Variants in PTPRM observed in about 807,000 individuals in gnomAD.
PTPRM encodes the protein receptor-type tyrosine-protein phosphatase mu.
Under a neutral mutation model 186.7 loss-of-function variants are expected in PTPRM, and 47 were observed. That is an observed-to-expected ratio of 0.25 (90% CI 0.20 to 0.32). PTPRM has a LOEUF of 0.32. Ranked by LOEUF, PTPRM falls within the 10% of genes least tolerant of loss-of-function variation. PTPRM has a pLI of 1.00. For missense variants in PTPRM, 1,494 were observed against 1,865.0 expected, an observed-to-expected ratio of 0.80 and a Z score of 3.66; for synonymous variants, 668 against 674.9, an observed-to-expected ratio of 0.99 and a Z score of 0.16.
intron 7 of PTPRM, among the ~76,000 whole-genome samples, chr18:8,024,594 C>A (rs999080525): frequency 1.3e-5 from 2 of 151,772 alleles, no homozygotes; most frequent in African/African-American, 2.4e-5. Context: ...CACTTCAGAG[C>A]CTTAAATTGT....
chr18:7,726,245 G>C (rs533554811), intron 1 of PTPRM, among the ~76,000 whole-genome samples: 3 of 152,258 alleles, frequency 2.0e-5, no homozygotes, highest in South Asian at 2.1e-4. Context: ...AACGACTAAT[G>C]ATGAGCATCT....
intron 19 of PTPRM, among the ~76,000 whole-genome samples, chr18:8,269,429 T>C (rs1003069675): frequency 3.3e-5 from 5 of 151,914 alleles, no homozygotes; most frequent in Non-Finnish European, 7.4e-5. Flanking sequence ...GTTCATGGAT[T>C]GGAAGGCTTA....
intron 15 of PTPRM, among the ~76,000 whole-genome samples, chr18:8,246,938 G>T (rs2094482586): frequency 6.6e-6 from 1 of 152,126 alleles, no homozygotes; most frequent in Non-Finnish European, 1.5e-5. Flanking sequence ...TGGTATAATT[G>T]TGTCTTAGTG....
intron 1 of PTPRM, among the ~76,000 whole-genome samples, chr18:7,573,550 T>A (rs1384882688): frequency 6.6e-6 from 1 of 152,058 alleles, no homozygotes; most frequent in Non-Finnish European, 1.5e-5. Flanking sequence ...TGAAGAAACG[T>A]TGTCCTGAAA....
At chr18:7,888,430 A>G (rs2048895291) in intron 3 of PTPRM, 53 bp downstream of exon 3, 1 of 1,496,834 alleles carries the variant, frequency 6.7e-7, no homozygotes, top group Admixed American at 2.3e-5. Flanking sequence ...ATTTCTAAAA[A>G]TATAAATTAT....
chr18:7,586,538 T>C (rs2143571478), intron 1 of PTPRM, among the ~76,000 whole-genome samples: 1 of 152,276 alleles, frequency 6.6e-6, no homozygotes, highest in African/African-American at 2.4e-5. Context: ...TACTGCGTGA[T>C]GAAACCTTGC....
chr18:7,634,035 G>A (rs941222370), intron 1 of PTPRM, among the ~76,000 whole-genome samples: 1 of 152,076 alleles, frequency 6.6e-6, no homozygotes, highest in African/African-American at 2.4e-5. Context: ...GGCCCGCTGG[G>A]TATGGTGTGA....
intron 1 of PTPRM, among the ~76,000 whole-genome samples, chr18:7,650,932 C>CTT (rs35637548): frequency 1.7e-4 from 23 of 137,146 alleles, no homozygotes; most frequent in Admixed American, 5.1e-4. Flanking sequence ...AGAGAAATAT[C>CTT]TTTTTTTTTT....
At chr18:8,100,323 T>C (rs1269356134) in intron 11 of PTPRM, among the ~76,000 whole-genome samples, 3 of 152,130 alleles carry the variant, frequency 2.0e-5, no homozygotes, top group Non-Finnish European at 4.4e-5. Flanking sequence ...GTATTTTTAG[T>C]AGAGACGGGG....
chr18:7,573,480 C>T (rs1435210870), intron 1 of PTPRM, among the ~76,000 whole-genome samples: 2 of 152,180 alleles, frequency 1.3e-5, no homozygotes, highest in African/African-American at 4.8e-5. Context: ...TGTGGTGATT[C>T]TGATGTCCAC....
At chr18:8,183,829 TG>T (rs1430603074) in intron 14 of PTPRM, among the ~76,000 whole-genome samples, 1 of 152,174 alleles carries the variant, frequency 6.6e-6, no homozygotes, top group Non-Finnish European at 1.5e-5. Context: ...AGAGGTGATT[TG>T]TCCCAAGTCT....
At chr18:7,861,500 C>G (rs1302096356) in intron 2 of PTPRM, among the ~76,000 whole-genome samples, 1 of 152,130 alleles carries the variant, frequency 6.6e-6, no homozygotes, top group Non-Finnish European at 1.5e-5. Context: ...TGTACATAAT[C>G]AGCATTTTCT....
At chr18:7,853,331 T>C (rs553356215) in intron 2 of PTPRM, among the ~76,000 whole-genome samples, 1 of 152,224 alleles carries the variant, frequency 6.6e-6, no homozygotes, top group Admixed American at 6.5e-5. Context: ...AGGGCTCAGC[T>C]TGAAGTAGGA....
At chr18:8,260,543 C>T (rs1879751931) in intron 19 of PTPRM, among the ~76,000 whole-genome samples, 1 of 152,094 alleles carries the variant, frequency 6.6e-6, no homozygotes. Flanking sequence ...AGGATGGCAC[C>T]AACCCATTCA....
chr18:7,914,302 A>G (rs1254889813), intron 4 of PTPRM, among the ~76,000 whole-genome samples: 1 of 152,152 alleles, frequency 6.6e-6, no homozygotes, highest in Non-Finnish European at 1.5e-5. Context: ...AAAGTTATTT[A>G]TATGTAGTGG....
intron 1 of PTPRM, among the ~76,000 whole-genome samples, chr18:7,729,930 A>G (rs2040623079): frequency 6.6e-6 from 1 of 152,188 alleles, no homozygotes; most frequent in African/African-American, 2.4e-5. Context: ...ATTGAAAAAT[A>G]TACTCTACAT....
chr18:7,886,677 T>A (rs1268902226), intron 2 of PTPRM, among the ~76,000 whole-genome samples: 2 of 152,206 alleles, frequency 1.3e-5, no homozygotes, highest in Admixed American at 6.5e-5. Flanking sequence ...CACTAACTCA[T>A]CCTAAAACCT....
chr18:7,618,882 G>A (rs186727857), intron 1 of PTPRM, among the ~76,000 whole-genome samples: 23 of 152,336 alleles, frequency 1.5e-4, no homozygotes, highest in Non-Finnish European at 1.9e-4. Context: ...ATGCAGCAAA[G>A]CAAATAATGA....
At chr18:8,129,464 A>G (rs1030426125) in intron 13 of PTPRM, among the ~76,000 whole-genome samples, 1 of 152,114 alleles carries the variant, frequency 6.6e-6, no homozygotes, top group African/African-American at 2.4e-5. Context: ...ATTTTAGGAA[A>G]TTATTACTAC....
Sources: gnomAD v4.1 joint callset for allele counts (sites outside exome capture counted in the v4.1 genomes callset) on GRCh38, gnomAD v4.1.1 for gene constraint, MANE v1.5 for transcripts, NCBI Gene and HGNC (gene_info 2026-07-23, HGNC 2026-07-21) for gene names.